HERC1: variants seen among roughly 807,000 people sequenced by gnomAD.
The protein encoded by HERC1 is HECT and RLD domain containing E3 ubiquitin protein ligase family member 1.
Under a neutral mutation model 554.3 loss-of-function variants are expected in HERC1, and 160 were observed. The observed-to-expected ratio is 0.29, with a 90% CI of 0.25 to 0.33. The LOEUF (loss-of-function observed/expected upper bound fraction) is 0.33, where lower values mean the gene tolerates loss of function less well. Ranked by LOEUF, HERC1 falls within the 10% of genes least tolerant of loss-of-function variation. The pLI is 1.00. For synonymous variants in HERC1, 2,175 were observed against 2,131.7 expected (o/e 1.02, Z -0.56); for missense variants, 4,919 against 5,918.5 (o/e 0.83, Z 5.54).
intron 69 of HERC1, among the ~76,000 whole-genome samples, chr15:63,629,412 A>C (rs1448636696): frequency 1.3e-5 from 2 of 152,246 alleles, no homozygotes; most frequent in Non-Finnish European, 1.5e-5. Flanking sequence ...GAATTCTTGG[A>C]AAGTTAAGTA....
chr15:63,766,900 A>C (rs2075797213), intron 2 of HERC1, among the ~76,000 whole-genome samples: 1 of 148,094 alleles, frequency 6.8e-6, no homozygotes, highest in Non-Finnish European at 1.5e-5. Flanking sequence ...CTGGTCTGAA[A>C]CTCCCAACCC....
chr15:63,703,245 T>C (rs183652605), intron 25 of HERC1, among the ~76,000 whole-genome samples: 1 of 152,286 alleles, frequency 6.6e-6, no homozygotes, highest in Non-Finnish European at 1.5e-5. Context: ...CTTAGACCAA[T>C]TGTGAAACAT....
In HERC1 at chr15:63,677,526, C is replaced by A. The variant is rs1290938762; in HGVS notation, c.7070+319G>T. ...TATGCCAGTGTGTAACAGAAATGAT[C>A]AAAATGCAAAAAGCCAAATGAAAAT... On this transcript the variant is annotated intron_variant, in intron 37 of 77. Transcript: ENST00000443617. This position sits in a 1 kb window ranked among gnomAD's most constrained non-coding sequence, Gnocchi z 4.4. Among the ~76,000 whole-genome samples, 2 of 152,062 alleles carry A rather than the reference C, an allele frequency of 1.3e-5. No homozygotes were observed. The highest frequency in any genetic ancestry group is 4.8e-5 in the African/African-American group (2 of 41,408).
intron 3 of HERC1, among the ~76,000 whole-genome samples, chr15:63,763,022 C>A (rs1035136731): frequency 9.2e-5 from 14 of 152,212 alleles, no homozygotes; most frequent in Non-Finnish European, 1.3e-4. Flanking sequence ...CACATTCTCA[C>A]CACCTATTTC....
In HERC1 at chr15:63,663,173, C is replaced by T. The variant is rs765113333; in HGVS notation, c.8712G>A (p.Arg2904=). The change falls in exon 44 of 78, where the codon AGG becomes AGA. Residue 2904 remains arginine (R), a synonymous_variant. Transcript: ENST00000443617. ...ATATTCCTTCTCTCCGACTTTGATTCCTGTGGGCCTGCACAGAGCGGTATA... is the reference window on the plus strand; with the variant it reads ...ATATTCCTTCTCTCCGACTTTGATTTCTGTGGGCCTGCACAGAGCGGTATA... The part of the protein sequence containing the change: ...AGLYRSVQAH[R]NQSRREGISL... The T allele has an allele frequency of 2.3e-5, 37 of 1,613,898 alleles. No individual in the cohort carries two copies. Among genetic ancestry groups the T allele is most frequent in the Non-Finnish European group, 3.0e-5 (35 of 1,179,892 alleles).
intron 1 of HERC1, chr15:63,780,312 T>A (rs2076249450): frequency 6.6e-6 from 1 of 152,194 alleles, no homozygotes; most frequent in African/African-American, 2.4e-5. Context: ...TCTAGTCATC[T>A]GGGTAAATCC....
Position 63,647,125 on chromosome 15 carries a change from G to A in HERC1, c.10878+944C>T, listed in dbSNP as rs181285874. On this transcript the variant is annotated intron_variant, in intron 55 of 77. Transcript: ENST00000443617. ...TAAAAATTAGCCAGTTTGGTGGTGG[G>A]TGCCTGTAATCCCAGCTACTCAGGA... is the stretch of plus-strand genomic sequence containing the variant. 2.6e-5 allele frequency among the ~76,000 whole-genome samples: 4 copies of A among 152,026 alleles called. No homozygotes were observed. The East Asian group carries it at 7.8e-4, about 30-fold the overall frequency.
chr15:63,625,179 T>C lies in HERC1; in HGVS notation c.13275+806A>G, dbSNP rs180972038. On this transcript the variant is annotated intron_variant, in intron 71 of 77. Coordinates refer to ENST00000443617, the MANE Select transcript of HERC1 (RefSeq NM_003922.4). ...GCTAGCCACTTTGTTACTGGACTAGTCCATAAAGATAGACAAATCAGCAAA... is the reference window on the plus strand; with the variant it reads ...GCTAGCCACTTTGTTACTGGACTAGCCCATAAAGATAGACAAATCAGCAAA... Among the ~76,000 whole-genome samples, 225 of 152,244 alleles carry C rather than the reference T, an allele frequency of 1.5e-3. 2 individuals are homozygous for C. The highest frequency in any genetic ancestry group is 5.6e-3 in the Admixed American group (85 of 15,282).
At chr15:63,713,228 T>A in intron 23 of HERC1, 125 bp downstream of exon 23, 1 of 804,770 alleles carries the variant, frequency 1.2e-6, no homozygotes. Context: ...CTAGTCAATT[T>A]GCATTTCTTC....
intron 52 of HERC1, 38 bp downstream of exon 52, chr15:63,652,376 C>A: frequency 6.4e-7 from 1 of 1,556,904 alleles, no homozygotes; most frequent in Non-Finnish European, 8.7e-7. Flanking sequence ...TTAGGATTCT[C>A]TTATTTTAAA....
At chr15:63,631,481 G>A (rs1307031012) in intron 68 of HERC1, among the ~76,000 whole-genome samples, 1 of 152,098 alleles carries the variant, frequency 6.6e-6, no homozygotes, top group Non-Finnish European at 1.5e-5. Context: ...CACTGCCCTG[G>A]CTCATCAGTG....
chr15:63,658,541 T>C lies in HERC1; in HGVS notation c.9599+3A>G, dbSNP rs1404305765. Reference sequence around the variant, plus strand: ...GCATCATGTGACATAAAATAACACTTACCTGACTGAGAGAAGAGACAGCGC... The same window carrying C: ...GCATCATGTGACATAAAATAACACTCACCTGACTGAGAGAAGAGACAGCGC... On this transcript the variant is annotated splice_donor_region_variant and intron_variant, in intron 48 of 77. Transcript: ENST00000443617. The C allele has an allele frequency of 6.2e-7, 1 of 1,607,610 alleles. No homozygotes were observed.
At chr15:63,771,483 T>C (rs995685098) in intron 2 of HERC1, among the ~76,000 whole-genome samples, 1 of 150,896 alleles carries the variant, frequency 6.6e-6, no homozygotes, top group Non-Finnish European at 1.5e-5. Context: ...CAGGCTGGAG[T>C]GCAATGGTGC....
Position 63,680,393 on chromosome 15 carries a change from T to C in HERC1, c.6465+144A>G, listed in dbSNP as rs749285824. 2 of 939,896 alleles carry C rather than the reference T, an allele frequency of 2.1e-6. No homozygotes were observed. Among genetic ancestry groups the C allele is most frequent in the East Asian group, 2.6e-5 (1 of 37,954 alleles). 58.2% of individuals were successfully genotyped at this position (939,896 alleles called of 1,614,324 possible). ...TTACTATCTTCCTGTTTGTTGTTAA[T>C]AAATGTTTTAAGAACCAGAAAGTAT... On this transcript the variant is annotated intron_variant, in intron 35 of 77. Transcript: ENST00000443617. This position sits in a 1 kb window ranked among gnomAD's most constrained non-coding sequence, Gnocchi z 5.8.
chr15:63,707,479 A>T (rs1319353479), intron 24 of HERC1, among the ~76,000 whole-genome samples: 1 of 152,204 alleles, frequency 6.6e-6, no homozygotes, highest in African/African-American at 2.4e-5. Flanking sequence ...TGGTGGGGGG[A>T]TGTAGACAAC....
At chr15:63,784,534 G>A (rs948046321) in intron 1 of HERC1, among the ~76,000 whole-genome samples, 1 of 152,024 alleles carries the variant, frequency 6.6e-6, no homozygotes, top group Admixed American at 6.6e-5. Context: ...ACTGGGAGCT[G>A]GGGTAGGAAA....
intron 1 of HERC1, among the ~76,000 whole-genome samples, chr15:63,792,867 G>A (rs756032829): frequency 5.9e-5 from 9 of 152,292 alleles, no homozygotes; most frequent in Admixed American, 1.3e-4. Context: ...GATTCCAATC[G>A]CAAGCCCCAG....
chr15:63,821,726 CAAAAAAAAAAAAAA>C (rs35074987), intron 1 of HERC1, among the ~76,000 whole-genome samples: 1 of 62,478 alleles, frequency 1.6e-5, no homozygotes, highest in Non-Finnish European at 2.8e-5. Flanking sequence ...TACCCTGTCT[CAAAAAAAAAAAAAA>C]AAAAAAAAAA....
intron 69 of HERC1, 37 bp from the exon 70 acceptor site, chr15:63,628,852 G>A: frequency 7.5e-6 from 12 of 1,593,828 alleles, no homozygotes; most frequent in Non-Finnish European, 9.4e-6. Context: ...CATTCAATTA[G>A]AAAGAGGAAG....
Sources: allele counts gnomAD v4.1 joint callset (sites outside exome capture counted in the v4.1 genomes callset), GRCh38; gene constraint gnomAD v4.1.1; non-coding constraint Gnocchi (gnomAD v3.1); transcripts MANE v1.5; gene names NCBI Gene and HGNC (gene_info 2026-07-23, HGNC 2026-07-21).